NAA38: variants seen among roughly 807,000 people sequenced by gnomAD.
NAA38 encodes the protein LSM domain containing 1.
NAA38 carries 15 observed loss-of-function variants against 12.6 expected under a neutral mutation model. That is an observed-to-expected ratio of 1.19 (90% CI 0.79 to 1.83). The LOEUF is 1.83. NAA38 is among the 40% of genes most tolerant of loss of function. The pLI is 0.00. For synonymous variants in NAA38, 88 were observed against 69.9 expected, an observed-to-expected ratio of 1.26 and a Z score of -1.29; for missense variants, 183 against 171.7, an observed-to-expected ratio of 1.07 and a Z score of -0.37.
intron 2 of NAA38, among the ~76,000 whole-genome samples, chr17:7,867,148 G>A (rs1966998023): frequency 6.6e-6 from 1 of 152,172 alleles, no homozygotes; most frequent in African/African-American, 2.4e-5. Flanking sequence ...CTCGGAGGCA[G>A]AAGGAACTGT....
intron 1 of NAA38, among the ~76,000 whole-genome samples, chr17:7,884,644 G>C (rs1299469581): frequency 1.4e-5 from 2 of 138,298 alleles, no homozygotes; most frequent in African/African-American, 5.4e-5. Context: ...GGGGTGGCCC[G>C]GGGGTTTGGG....
chr17:7,858,179 T>G (rs1485879722), upstream of NAA38: 10 of 1,613,766 alleles, frequency 6.2e-6, no homozygotes, highest in Non-Finnish European at 5.9e-6. Context: ...TGGAGTATTT[T>G]CAGCGTCGCT....
At chr17:7,858,295 G>T, upstream of NAA38, 1 of 1,613,930 alleles carries the variant, frequency 6.2e-7, no homozygotes, top group Non-Finnish European at 8.5e-7. Flanking sequence ...GAATACAAGG[G>T]TAAGGGCCAC....
intron 2 of NAA38, among the ~76,000 whole-genome samples, chr17:7,881,367 G>C (rs1466072898): frequency 6.6e-6 from 1 of 152,062 alleles, no homozygotes; most frequent in Non-Finnish European, 1.5e-5. Flanking sequence ...GGCAGCGAGA[G>C]ACTGGGAAAA....
chr17:7,858,184 G>A (rs765398900), upstream of NAA38: 3 of 1,613,924 alleles, frequency 1.9e-6, no homozygotes, highest in Admixed American at 5.0e-5. Context: ...TATTTTCAGC[G>A]TCGCTATTTC....
In NAA38 at chr17:7,857,018, A is replaced by G; in HGVS notation, c.262T>C (p.Ser88Pro). 1 of 1,603,990 alleles carries G rather than the reference A, an allele frequency of 6.2e-7. No homozygotes were observed. Among genetic ancestry groups the G allele is most frequent in the Non-Finnish European group, 8.5e-7 (1 of 1,172,718 alleles). ...TGTGCATTCCCCGGGCACTGACCCGACGGCTTGAGGAACTCCTGCGCCGAG... is the reference window on the plus strand; with the variant it reads ...TGTGCATTCCCCGGGCACTGACCCGGCGGCTTGAGGAACTCCTGCGCCGAG... Reference protein sequence around the residue: ...LGSAQEFLKPSDSFSAGEPRV... With the variant: ...LGSAQEFLKPPDSFSAGEPRV... Residue 88 changes from serine to proline, a missense_variant, in exon 2 of 3, where the codon TCG becomes CCG. Ser to Pro is a moderately conservative substitution (Grantham distance 74, BLOSUM62 -1). Coordinates refer to ENST00000575771, the MANE Select transcript of NAA38 (RefSeq NM_001320925.4).
intron 1 of NAA38, among the ~76,000 whole-genome samples, chr17:7,884,064 C>T (rs1240943671): frequency 9.7e-6 from 1 of 103,072 alleles, no homozygotes; most frequent in Admixed American, 8.4e-5. Context: ...ATCCTTCATG[C>T]CCCCCCAACA....
chr17:7,873,003 G>A (rs1967113181), intron 2 of NAA38, among the ~76,000 whole-genome samples: 1 of 152,196 alleles, frequency 6.6e-6, no homozygotes, highest in South Asian at 2.1e-4. Context: ...TATAAGCTTG[G>A]AGAGTCAGGG....
Position 7,857,509 on chromosome 17 carries a change from T to A in NAA38, c.-46A>T. ...GGCCTTTCAACTTCCTAAGCACCTT[T>A]CAGGTTGGGTGGTCCGAGATCTCGC... is the stretch of plus-strand genomic sequence containing the variant. On this transcript the variant is annotated 5_prime_UTR_variant, in exon 1 of 3. Coordinates refer to ENST00000575771, the MANE Select transcript of NAA38 (RefSeq NM_001320925.4). 2 of 1,480,592 alleles carry A rather than the reference T, an allele frequency of 1.4e-6. No homozygotes were observed. Among genetic ancestry groups the A allele is most frequent in the Non-Finnish European group, 1.8e-6 (2 of 1,117,490 alleles). The allele number at this position is 1,480,592 out of a possible 1,614,324, so 91.7% of individuals were successfully genotyped here.
At chr17:7,880,645 C>T in intron 2 of NAA38, among the ~76,000 whole-genome samples, 1 of 151,926 alleles carries the variant, frequency 6.6e-6, no homozygotes, top group East Asian at 1.9e-4. Flanking sequence ...GAAAGCAGGG[C>T]AGTCCTCTAC....
At chr17:7,859,967 A>C (rs1328147093), upstream of NAA38, 1 of 240,684 alleles carries the variant, frequency 4.2e-6, no homozygotes, top group African/African-American at 2.3e-5. Flanking sequence ...GATGGAAATG[A>C]GATGTCTGCA....
chr17:7,857,221 T>A (rs1567811310), intron 1 of NAA38, 23 bp from the exon 2 acceptor site: 8 of 1,612,272 alleles, frequency 5.0e-6, no homozygotes, highest in Non-Finnish European at 6.8e-6. Flanking sequence ...TAACAAGCGC[T>A]CAGACCGCGC....
At chr17:7,866,644 G>C (rs952196314) in intron 2 of NAA38, 1 of 609,916 alleles carries the variant, frequency 1.6e-6, no homozygotes, top group African/African-American at 1.9e-5. Flanking sequence ...TCTTCAGTTG[G>C]CCACCTGGCT....
At chr17:7,872,782 C>G (rs2151390996) in intron 2 of NAA38, among the ~76,000 whole-genome samples, 1 of 152,250 alleles carries the variant, frequency 6.6e-6, no homozygotes, top group Non-Finnish European at 1.5e-5. Flanking sequence ...CATTATTTAT[C>G]AATAATCCTT....
rs914983667 is a variant in NAA38 at position 7,885,011 on chromosome 17, G to A, written c.-167+154C>T. 5.5e-5 allele frequency: 68 copies of A among 1,234,576 alleles called. No homozygotes were observed. Among genetic ancestry groups the A allele is most frequent in the Admixed American group, 3.3e-4 (8 of 24,404 alleles). The allele number at this position is 1,234,576 out of a possible 1,614,324, so 76.5% of individuals were successfully genotyped here. On this transcript the variant is annotated intron_variant, in intron 1 of 4. Coordinates refer to the NAA38 transcript ENST00000576861. ...GGGCCGCGACCGCCACAGCCCCCCC[G>A]GCTGCCACCTCTTCCCGCCGCCGCC...
chr17:7,858,342 C>T (rs2078850761), upstream of NAA38: 2 of 1,613,970 alleles, frequency 1.2e-6, no homozygotes, highest in East Asian at 2.2e-5. Context: ...TGTGTGCACG[C>T]GCGCGTTTGC....
At chr17:7,857,780 C>T (rs947204759), upstream of NAA38, 11 of 1,290,366 alleles carry the variant, frequency 8.5e-6, no homozygotes, top group Non-Finnish European at 1.1e-5. Flanking sequence ...TTTTCTGTCT[C>T]AGAGAGATAG....
chr17:7,868,914 C>T (rs1182937476), intron 2 of NAA38, among the ~76,000 whole-genome samples: 1 of 152,170 alleles, frequency 6.6e-6, no homozygotes, highest in Non-Finnish European at 1.5e-5. Flanking sequence ...TCATATCATG[C>T]CAGAATTGAG....
At chr17:7,862,647 G>C (rs991752640), upstream of NAA38, 1 of 151,712 alleles carries the variant, frequency 6.6e-6, no homozygotes, top group Non-Finnish European at 1.5e-5. Flanking sequence ...GCTGAGGCAG[G>C]AGAATCGCTT....
Sources: allele counts gnomAD v4.1 joint callset (sites outside exome capture counted in the v4.1 genomes callset), GRCh38; gene constraint gnomAD v4.1.1; transcripts MANE v1.5; gene names NCBI Gene and HGNC (gene_info 2026-07-23, HGNC 2026-07-21).